PACRG: variants seen among roughly 807,000 people sequenced by gnomAD.
The protein encoded by PACRG is parkin coregulated.
A neutral mutation model predicts 29.7 loss-of-function variants in PACRG; 29 were observed. That is an observed-to-expected ratio of 0.98 (90% CI 0.73 to 1.33). PACRG has a LOEUF of 1.33. PACRG is among the 40% of genes most tolerant of loss of function. The pLI, the probability that PACRG is intolerant of heterozygous loss-of-function variation, is 0.00. For missense variants in PACRG, 279 were observed against 316.2 expected, an observed-to-expected ratio of 0.88 and a Z score of 0.89; for synonymous variants, 116 against 118.7, an observed-to-expected ratio of 0.98 and a Z score of 0.15.
In PACRG at chr6:162,992,704, T is replaced by C. The variant is rs1464144316; in HGVS notation, c.292-69446T>C. 3.8e-3 allele frequency among the ~76,000 whole-genome samples: 448 copies of C among 117,338 alleles called. 3 individuals are homozygous for C. The highest frequency in any genetic ancestry group is 0.015 in the African/African-American group (430 of 29,578). 77.0% of individuals were successfully genotyped at this position (117,338 alleles called of 152,430 possible). A position where few individuals can be genotyped will look rare whatever the true frequency, so the allele number is the denominator to read the frequency against. On this transcript the variant is annotated intron_variant, in intron 2 of 4. Coordinates refer to ENST00000366888, the MANE Select transcript of PACRG (RefSeq NM_001080379.2). ...TTCAAAAAACCAGCTCCTGGATTCATTGATTTTTTGAAGGGTTTTTTGTGT... is the reference window on the plus strand; with the variant it reads ...TTCAAAAAACCAGCTCCTGGATTCACTGATTTTTTGAAGGGTTTTTTGTGT...
intron 2 of PACRG, among the ~76,000 whole-genome samples, chr6:162,879,274 C>T (rs940415990): frequency 6.6e-6 from 1 of 152,174 alleles, no homozygotes; most frequent in Admixed American, 6.5e-5. Context: ...TAGAAATCGT[C>T]CTTTAATGAA....
At chr6:162,923,002 G>A (rs963007305) in intron 2 of PACRG, among the ~76,000 whole-genome samples, 11 of 152,074 alleles carry the variant, frequency 7.2e-5, no homozygotes, top group African/African-American at 2.6e-4. Flanking sequence ...CATAATGGCT[G>A]TACTAATTTG....
At chr6:163,255,627 C>G (rs866483566) in intron 4 of PACRG, among the ~76,000 whole-genome samples, 19 of 146,406 alleles carry the variant, frequency 1.3e-4, no homozygotes, top group Middle Eastern at 3.6e-3. Flanking sequence ...TTTTCTTCTT[C>G]TTGTTCTTTT....
chr6:162,811,230 G>A (rs972261191), intron 1 of PACRG, among the ~76,000 whole-genome samples: 4 of 152,066 alleles, frequency 2.6e-5, no homozygotes, highest in African/African-American at 9.7e-5. Flanking sequence ...CAATAAAATT[G>A]GCCAACTTCT....
intron 4 of PACRG, 124 bp from the exon 5 acceptor site, chr6:163,314,703 C>A (rs930796126): frequency 3.8e-5 from 41 of 1,067,186 alleles, no homozygotes; most frequent in Non-Finnish European, 5.3e-5. Context: ...TCCGCAAGAT[C>A]GTGTAAAAAT....
rs180854549 is a variant in PACRG at position 163,065,113 on chromosome 6, C to T, written c.463+2792C>T. The stretch of plus-strand genomic sequence containing the variant: ...CTGGAATAACCCACACCGTGGGTCT[C>T]GGACACCTATTTCACTGACGTTGTT... On this transcript the variant is annotated intron_variant, in intron 3 of 4. Coordinates refer to ENST00000366888, the MANE Select transcript of PACRG (RefSeq NM_001080379.2). 9.9e-5 allele frequency among the ~76,000 whole-genome samples: 15 copies of T among 152,270 alleles called. No homozygotes were observed. The East Asian group carries it at 1.9e-3, about 20-fold the overall frequency.
chr6:163,001,012 T>C (rs1322963059), intron 2 of PACRG, among the ~76,000 whole-genome samples: 2 of 152,162 alleles, frequency 1.3e-5, no homozygotes, highest in Non-Finnish European at 2.9e-5. Context: ...GGCAAGAGTC[T>C]GCCCCGGGAA....
intron 4 of PACRG, among the ~76,000 whole-genome samples, chr6:163,277,124 T>C (rs1784056783): frequency 6.6e-6 from 1 of 152,122 alleles, no homozygotes; most frequent in South Asian, 2.1e-4. Flanking sequence ...TTTATTTCAA[T>C]AGTTTTTGGG....
chr6:162,787,621 T>C (rs898063735), intron 1 of PACRG, among the ~76,000 whole-genome samples: 3 of 134,864 alleles, frequency 2.2e-5, no homozygotes, highest in Non-Finnish European at 4.8e-5. Flanking sequence ...TATATATATA[T>C]GGTTGTCCTC....
intron 2 of PACRG, among the ~76,000 whole-genome samples, chr6:162,874,956 C>T (rs555944623): frequency 1.3e-5 from 2 of 152,056 alleles, no homozygotes; most frequent in East Asian, 1.9e-4. Flanking sequence ...CAGTCACATG[C>T]CTCCGGTCAC....
At chr6:163,172,985 T>G (rs1779158241) in intron 4 of PACRG, among the ~76,000 whole-genome samples, 1 of 152,220 alleles carries the variant, frequency 6.6e-6, no homozygotes, top group Non-Finnish European at 1.5e-5. Flanking sequence ...ATATCACCAT[T>G]TAAATGAGTG....
intron 2 of PACRG, among the ~76,000 whole-genome samples, chr6:163,058,344 C>T (rs571834804): frequency 6.6e-6 from 1 of 152,144 alleles, no homozygotes; most frequent in Non-Finnish European, 1.5e-5. Context: ...CAGAATCAGT[C>T]GAACAAAAGC....
chr6:163,214,488 T>G (rs911067207), intron 4 of PACRG, among the ~76,000 whole-genome samples: 2 of 152,114 alleles, frequency 1.3e-5, no homozygotes, highest in Non-Finnish European at 2.9e-5. Flanking sequence ...AAGCCTTCTT[T>G]TAAGTCTCTC....
At chr6:162,795,650 G>A (rs904162431) in intron 1 of PACRG, among the ~76,000 whole-genome samples, 15 of 152,058 alleles carry the variant, frequency 9.9e-5, no homozygotes, top group Middle Eastern at 3.4e-3. Flanking sequence ...TTTTTATTGC[G>A]ATAGTATTAT....
chr6:163,037,581 C>T (rs1470216947), intron 2 of PACRG, among the ~76,000 whole-genome samples: 1 of 152,248 alleles, frequency 6.6e-6, no homozygotes, highest in African/African-American at 2.4e-5. Flanking sequence ...TTGAGCTGGT[C>T]ACTGTCAGGC....
chr6:162,820,013 G>A (rs551742619), intron 2 of PACRG, among the ~76,000 whole-genome samples: 3 of 152,200 alleles, frequency 2.0e-5, no homozygotes, highest in African/African-American at 7.2e-5. Context: ...GGTCTTGAGG[G>A]GGTTGAACTT....
intron 2 of PACRG, among the ~76,000 whole-genome samples, chr6:162,852,425 C>T (rs1790998945): frequency 3.9e-5 from 6 of 152,210 alleles, no homozygotes; most frequent in Admixed American, 2.0e-4. Context: ...GAGGCTAAGA[C>T]GCGCTTCTGT....
chr6:162,918,337 T>G (rs1189105614), intron 2 of PACRG, among the ~76,000 whole-genome samples: 4 of 152,216 alleles, frequency 2.6e-5, no homozygotes, highest in African/African-American at 9.6e-5. Context: ...ATCTATACTA[T>G]AATAATGAAT....
intron 1 of PACRG, among the ~76,000 whole-genome samples, chr6:162,808,120 T>C (rs539197164): frequency 6.6e-6 from 1 of 152,338 alleles, no homozygotes; most frequent in African/African-American, 2.4e-5. Context: ...ATTTCTGATG[T>C]AGTGAAGCAA....
Sources: gnomAD v4.1 joint callset for allele counts (sites outside exome capture counted in the v4.1 genomes callset) on GRCh38, gnomAD v4.1.1 for gene constraint, MANE v1.5 for transcripts, NCBI Gene and HGNC (gene_info 2026-07-23, HGNC 2026-07-21) for gene names.